The following KCNIP4 variants were observed in gnomAD, a reference collection of about 807,000 sequenced individuals.
KCNIP4 encodes the protein potassium voltage-gated channel interacting protein 4, also known as Kv channel-interacting protein 4.
In KCNIP4, 12 loss-of-function variants were observed where a neutral mutation model predicts 34.0. The observed-to-expected ratio is 0.35, with a 90% CI of 0.23 to 0.57. KCNIP4 has a LOEUF of 0.57. KCNIP4 is among the 20% of genes least tolerant of loss of function. The probability of loss-of-function intolerance (pLI) is 0.83; values close to 1 mark genes in which losing one functional copy is unlikely to be tolerated. For synonymous variants in KCNIP4, 124 were observed against 102.2 expected, an observed-to-expected ratio of 1.21 and a Z score of -1.29; for missense variants, 238 against 311.7, an observed-to-expected ratio of 0.76 and a Z score of 1.78.
intron 5 of KCNIP4, among the ~76,000 whole-genome samples, chr4:20,737,150 A>G (rs977354028): frequency 1.3e-5 from 2 of 152,210 alleles, no homozygotes; most frequent in Non-Finnish European, 2.9e-5. Context: ...AAGTGAGAGA[A>G]AAACAAGATT....
At chr4:20,734,768 C>A in intron 5 of KCNIP4, 33 bp from the exon 6 acceptor site, 1 of 1,317,312 alleles carries the variant, frequency 7.6e-7, no homozygotes, top group Non-Finnish European at 1.1e-6. Flanking sequence ...TTTTATATGA[C>A]ATTTTTAAAA....
intron 1 of KCNIP4, among the ~76,000 whole-genome samples, chr4:21,083,167 T>G (rs966222337): frequency 5.3e-5 from 8 of 151,818 alleles, no homozygotes; most frequent in African/African-American, 1.9e-4. Context: ...GGGAATTGAC[T>G]GTAGGTGAAG....
At chr4:21,381,689 A>G (rs1028363383) in intron 1 of KCNIP4, among the ~76,000 whole-genome samples, 1 of 152,184 alleles carries the variant, frequency 6.6e-6, no homozygotes, top group African/African-American at 2.4e-5. Flanking sequence ...ACCTATTTAT[A>G]ATCATTATAA....
intron 1 of KCNIP4, among the ~76,000 whole-genome samples, chr4:21,561,799 A>T (rs1264407324): frequency 6.6e-6 from 1 of 152,002 alleles, no homozygotes; most frequent in Admixed American, 6.6e-5. Flanking sequence ...ACATCCTTTA[A>T]TCGTTCATAA....
intron 1 of KCNIP4, among the ~76,000 whole-genome samples, chr4:21,512,023 G>A (rs567069782): frequency 2.0e-5 from 3 of 151,442 alleles, no homozygotes; most frequent in African/African-American, 7.3e-5. Flanking sequence ...GGGAAAGAGG[G>A]AGGAAGAGAA....
At chr4:21,326,852 A>G (rs1715124877) in intron 1 of KCNIP4, among the ~76,000 whole-genome samples, 1 of 151,992 alleles carries the variant, frequency 6.6e-6, no homozygotes, top group Admixed American at 6.6e-5. Context: ...CTTGCAAATA[A>G]TACCTTATAA....
At chr4:21,196,386 C>G (rs978683636) in intron 1 of KCNIP4, among the ~76,000 whole-genome samples, 1 of 152,106 alleles carries the variant, frequency 6.6e-6, no homozygotes, top group Non-Finnish European at 1.5e-5. Flanking sequence ...TGGAAATATA[C>G]CTTAGTCATT....
chr4:20,765,592 G>A (rs1473496111), intron 3 of KCNIP4, among the ~76,000 whole-genome samples: 1 of 152,170 alleles, frequency 6.6e-6, no homozygotes, highest in Non-Finnish European at 1.5e-5. Flanking sequence ...AGATAGTAAT[G>A]GGCTGAGGAA....
chr4:20,972,102 C>T (rs931426667), intron 1 of KCNIP4, among the ~76,000 whole-genome samples: 3 of 152,186 alleles, frequency 2.0e-5, no homozygotes, highest in African/African-American at 4.8e-5. Flanking sequence ...TTCTAGTTCT[C>T]TTGCTATTTC....
intron 1 of KCNIP4, among the ~76,000 whole-genome samples, chr4:21,385,810 T>G (rs1239783090): frequency 6.6e-6 from 1 of 152,122 alleles, no homozygotes; most frequent in African/African-American, 2.4e-5. Context: ...CAGATTTAAC[T>G]GTGGAATATC....
intron 1 of KCNIP4, among the ~76,000 whole-genome samples, chr4:21,386,750 G>T (rs571021194): frequency 2.0e-5 from 3 of 152,252 alleles, no homozygotes; most frequent in South Asian, 4.1e-4. Flanking sequence ...TGTTTATGGT[G>T]CCAGACACCA....
intron 1 of KCNIP4, among the ~76,000 whole-genome samples, chr4:21,678,792 C>T (rs1322670892): frequency 6.6e-6 from 1 of 152,174 alleles, no homozygotes; most frequent in African/African-American, 2.4e-5. Flanking sequence ...TTCAACCACA[C>T]TGTTATGGAC....
chr4:21,242,916 G>A (rs1255659849), intron 1 of KCNIP4, among the ~76,000 whole-genome samples: 1 of 128,356 alleles, frequency 7.8e-6, no homozygotes, highest in East Asian at 2.2e-4. Flanking sequence ...GTGTGTGTGT[G>A]TATTGCTTTT....
intron 1 of KCNIP4, among the ~76,000 whole-genome samples, chr4:21,925,859 G>A (rs1255879531): frequency 1.3e-5 from 2 of 152,162 alleles, no homozygotes; most frequent in Non-Finnish European, 2.9e-5. Context: ...CAAGAAATTT[G>A]TTGAATTAAT....
At chr4:21,620,636 A>C (rs985541508) in intron 1 of KCNIP4, among the ~76,000 whole-genome samples, 1 of 152,168 alleles carries the variant, frequency 6.6e-6, no homozygotes, top group Non-Finnish European at 1.5e-5. Flanking sequence ...AAAAAGAAAA[A>C]ATAGCATTGA....
At chr4:21,650,387 G>C (rs34899919) in intron 1 of KCNIP4, among the ~76,000 whole-genome samples, 8,755 of 152,112 alleles carry the variant, frequency 0.058, 308 homozygotes, top group Middle Eastern at 0.12. Context: ...GGAGGACACT[G>C]GTAAAATCTT....
chr4:20,890,612 G>A (rs1390454992), intron 1 of KCNIP4, among the ~76,000 whole-genome samples: 2 of 152,042 alleles, frequency 1.3e-5, no homozygotes, highest in African/African-American at 2.4e-5. Flanking sequence ...AAACCACTGA[G>A]CTCAATGAGA....
At chr4:20,796,604 CTTT>C (rs34624781) in intron 3 of KCNIP4, among the ~76,000 whole-genome samples, 71 of 140,658 alleles carry the variant, frequency 5.0e-4, no homozygotes, top group Admixed American at 8.5e-4. Flanking sequence ...ATTTTTATTG[CTTT>C]TTTTTTTTTT....
intron 1 of KCNIP4, among the ~76,000 whole-genome samples, chr4:21,394,554 C>T (rs1290616294): frequency 1.3e-5 from 2 of 152,090 alleles, no homozygotes; most frequent in African/African-American, 4.8e-5. Context: ...ATGTTGCTAA[C>T]CTGGGAATGT....
Sources: allele counts gnomAD v4.1 joint callset (sites outside exome capture counted in the v4.1 genomes callset), GRCh38; gene constraint gnomAD v4.1.1; transcripts MANE v1.5; gene names NCBI Gene and HGNC (gene_info 2026-07-23, HGNC 2026-07-21).